Variants in SNX18 observed in about 807,000 individuals in gnomAD.
SNX18 encodes the protein sorting nexin 18, also known as sorting nexin-18.
A neutral mutation model predicts 48.7 loss-of-function variants in SNX18; 35 were observed. That is an observed-to-expected ratio of 0.72 (90% confidence interval 0.55 to 0.95). The LOEUF is 0.95. Among genes scored for constraint, SNX18 ranks in the 40% least tolerant of loss-of-function variants. SNX18 has a pLI of 0.00. For synonymous variants in SNX18, 492 were observed against 384.7 expected (o/e 1.28, Z -3.26); for missense variants, 824 against 871.0 (o/e 0.95, Z 0.68).
At chr5:54,586,938 T>G in the SNX18 span, among the ~76,000 whole-genome samples, 1 of 152,022 alleles carries the variant, frequency 6.6e-6, no homozygotes, top group East Asian at 1.9e-4. Flanking sequence ...AAGGAACCCT[T>G]GCTGGAGAAA....
At chr5:54,602,264 A>G in the SNX18 span, among the ~76,000 whole-genome samples, 1 of 152,332 alleles carries the variant, frequency 6.6e-6, no homozygotes, top group Admixed American at 6.5e-5. Flanking sequence ...CAGGCCGCAT[A>G]ATATGGAGAC....
At chr5:54,615,485 A>T in the SNX18 span, among the ~76,000 whole-genome samples, 1 of 152,024 alleles carries the variant, frequency 6.6e-6, no homozygotes, top group African/African-American at 2.4e-5. Context: ...TTGCCCCCTC[A>T]CTTCCCAGTC....
chr5:54,604,319 G>A, the SNX18 span, among the ~76,000 whole-genome samples: 6 of 152,118 alleles, frequency 3.9e-5, no homozygotes, highest in East Asian at 1.9e-4. Flanking sequence ...GGGCACTGGC[G>A]TTCATATGAA....
At chr5:54,528,994 G>A (rs1314729315) in intron 1 of SNX18, among the ~76,000 whole-genome samples, 1 of 152,182 alleles carries the variant, frequency 6.6e-6, no homozygotes, top group Non-Finnish European at 1.5e-5. Context: ...TTGATGTGCT[G>A]CTGGGTTTAC....
chr5:54,530,128 G>A (rs907968094), intron 1 of SNX18, among the ~76,000 whole-genome samples: 2 of 152,100 alleles, frequency 1.3e-5, no homozygotes, highest in Non-Finnish European at 2.9e-5. Flanking sequence ...CCCTCCTCAC[G>A]TGGCATTGTC....
chr5:54,581,149 T>G, the SNX18 span, among the ~76,000 whole-genome samples: 6 of 152,164 alleles, frequency 3.9e-5, no homozygotes, highest in Admixed American at 1.3e-4. Flanking sequence ...CAGGTTGTGC[T>G]GCACCTTTGA....
the SNX18 span, among the ~76,000 whole-genome samples, chr5:54,602,503 C>T: frequency 6.6e-6 from 1 of 152,210 alleles, no homozygotes; most frequent in South Asian, 2.1e-4. Context: ...GGCAGAGATC[C>T]GAGTTACCTG....
At chr5:54,528,663 T>TCCC (rs1247076941) in intron 1 of SNX18, among the ~76,000 whole-genome samples, 1 of 152,204 alleles carries the variant, frequency 6.6e-6, no homozygotes, top group African/African-American at 2.4e-5. Flanking sequence ...CACTGTACCG[T>TCCC]ATGACACACA....
chr5:54,644,906 T>C, the SNX18 span: 1 of 152,254 alleles, frequency 6.6e-6, no homozygotes, highest in Non-Finnish European at 1.5e-5. Context: ...AATTAAACTC[T>C]ATCTGGCTCA....
At chr5:54,589,128 C>T in the SNX18 span, among the ~76,000 whole-genome samples, 3 of 152,186 alleles carry the variant, frequency 2.0e-5, no homozygotes, top group African/African-American at 7.2e-5. Flanking sequence ...GAAAGTTGCA[C>T]ATATACATTG....
the SNX18 span, among the ~76,000 whole-genome samples, chr5:54,625,160 GA>G: frequency 6.6e-6 from 1 of 152,178 alleles, no homozygotes; most frequent in Admixed American, 6.5e-5. Flanking sequence ...TGTATGAGGG[GA>G]AGGGGGAAAG....
chr5:54,639,620 T>G, the SNX18 span, among the ~76,000 whole-genome samples: 1 of 152,122 alleles, frequency 6.6e-6, no homozygotes, highest in Admixed American at 6.5e-5. Flanking sequence ...ACGAGAATCT[T>G]GAGGACCAGA....
the SNX18 span, among the ~76,000 whole-genome samples, chr5:54,630,828 T>TAAA: frequency 8.5e-5 from 4 of 47,158 alleles, no homozygotes; most frequent in African/African-American, 5.7e-4. Context: ...CAAGACTCAG[T>TAAA]CAAAAAAAAA....
the SNX18 span, among the ~76,000 whole-genome samples, chr5:54,625,098 G>C: frequency 3.9e-5 from 6 of 152,048 alleles, no homozygotes; most frequent in Non-Finnish European, 7.4e-5. Flanking sequence ...ATGTGTTTTC[G>C]AGTACCAGAA....
chr5:54,589,779 C>A, the SNX18 span, among the ~76,000 whole-genome samples: 4 of 152,250 alleles, frequency 2.6e-5, no homozygotes, highest in African/African-American at 7.2e-5. Flanking sequence ...TAGAGGAAAC[C>A]AGGGCCCTGT....
chr5:54,562,044 G>T, the SNX18 span, among the ~76,000 whole-genome samples: 1 of 152,098 alleles, frequency 6.6e-6, no homozygotes, highest in African/African-American at 2.4e-5. Context: ...CTTGATATGT[G>T]TAGTGAAGTA....
the SNX18 span, among the ~76,000 whole-genome samples, chr5:54,626,660 C>T: frequency 4.6e-5 from 7 of 152,198 alleles, no homozygotes; most frequent in African/African-American, 1.7e-4. Flanking sequence ...CACATCAGAG[C>T]AGGAAGTGTG....
the SNX18 span, among the ~76,000 whole-genome samples, chr5:54,624,512 T>C: frequency 5.9e-5 from 9 of 152,326 alleles, no homozygotes; most frequent in African/African-American, 1.9e-4. Flanking sequence ...CCATGTAACA[T>C]ATCTTGGAGC....
chr5:54,621,278 C>T, the SNX18 span, among the ~76,000 whole-genome samples: 12 of 152,236 alleles, frequency 7.9e-5, no homozygotes, highest in South Asian at 2.5e-3. Flanking sequence ...AGTAACTTTG[C>T]GTTCTTGCCA....
Sources: gnomAD v4.1 joint callset for allele counts (sites outside exome capture counted in the v4.1 genomes callset) on GRCh38, gnomAD v4.1.1 for gene constraint, MANE v1.5 for transcripts, NCBI Gene and HGNC (gene_info 2026-07-23, HGNC 2026-07-21) for gene names.